RABEP1: variants seen among roughly 807,000 people sequenced by gnomAD.
RABEP1 encodes rabaptin, RAB GTPase binding effector protein 1.
A neutral mutation model predicts 123.4 loss-of-function variants in RABEP1; 51 were observed. The observed-to-expected ratio is 0.41, with a 90% CI of 0.33 to 0.52. The LOEUF (loss-of-function observed/expected upper bound fraction) is 0.52, where lower values mean the gene tolerates loss of function less well. RABEP1 is among the 20% of genes least tolerant of loss of function. The probability of loss-of-function intolerance (pLI) is 0.16; values close to 1 mark genes in which losing one functional copy is unlikely to be tolerated. For synonymous variants in RABEP1, 347 were observed against 355.2 expected, an observed-to-expected ratio of 0.98 and a Z score of 0.26; for missense variants, 888 against 996.3, an observed-to-expected ratio of 0.89 and a Z score of 1.46.
At chr17:5,287,720 G>A (rs756167170) in intron 1 of RABEP1, among the ~76,000 whole-genome samples, 1 of 151,578 alleles carries the variant, frequency 6.6e-6, no homozygotes, top group Admixed American at 6.6e-5. Flanking sequence ...AGGAGTTTGA[G>A]ACCAGCCTGG....
At chr17:5,293,327 A>C (rs117900255) in intron 1 of RABEP1, among the ~76,000 whole-genome samples, 5 of 151,964 alleles carry the variant, frequency 3.3e-5, no homozygotes, top group Admixed American at 1.3e-4. Flanking sequence ...TTCTCTCTAT[A>C]TATATCTCTT....
chr17:5,375,905 C>T (rs1343486262), intron 13 of RABEP1, among the ~76,000 whole-genome samples: 4 of 151,860 alleles, frequency 2.6e-5, no homozygotes, highest in African/African-American at 9.7e-5. Flanking sequence ...CAGAGTCTTG[C>T]TCTGTCACCC....
At chr17:5,320,283 A>G (rs2075340333) in intron 2 of RABEP1, among the ~76,000 whole-genome samples, 1 of 152,118 alleles carries the variant, frequency 6.6e-6, no homozygotes, top group South Asian at 2.1e-4. Context: ...ATATCCAACA[A>G]AGTTATCCTT....
intron 1 of RABEP1, among the ~76,000 whole-genome samples, chr17:5,298,805 G>A (rs1409345496): frequency 3.3e-5 from 5 of 151,926 alleles, no homozygotes; most frequent in African/African-American, 7.3e-5. Flanking sequence ...ACAGGCGTCC[G>A]CCACCACGCC....
intron 13 of RABEP1, among the ~76,000 whole-genome samples, chr17:5,374,820 T>A (rs959793496): frequency 2.0e-5 from 3 of 152,122 alleles, no homozygotes; most frequent in African/African-American, 7.2e-5. Flanking sequence ...TTAAAATATT[T>A]TTTAGTAGAG....
chr17:5,335,416 TAGAA>T (rs1362840856), intron 4 of RABEP1, 72 bp downstream of exon 4: 4 of 1,243,764 alleles, frequency 3.2e-6, no homozygotes, highest in African/African-American at 1.5e-5. Context: ...TGTTGTGTAA[TAGAA>T]AGTAATAGAA....
rs141548304 is a variant in RABEP1, at chr17:5,288,686, C to T, written c.34+6166C>T. ...CTGGGATTACAGGCGTGAGCCACTG[C>T]GCCTGGCCTATTTTATTTCTTTTCT... On this transcript the variant is annotated intron_variant, in intron 1 of 17. Transcript: ENST00000537505. 5.5e-4 allele frequency among the ~76,000 whole-genome samples: 83 copies of T among 149,882 alleles called. 1 individual carries two copies. The highest frequency in any genetic ancestry group is 1.8e-3 in the African/African-American group (74 of 40,730).
intron 15 of RABEP1, chr17:5,378,560 A>C (rs1911189567): frequency 2.9e-6 from 1 of 345,206 alleles, no homozygotes; most frequent in Non-Finnish European, 5.4e-6. Flanking sequence ...AAAACATTAC[A>C]AACAAGAGAT....
intron 5 of RABEP1, among the ~76,000 whole-genome samples, chr17:5,339,019 C>T (rs1379016118): frequency 3.3e-5 from 5 of 151,926 alleles, no homozygotes; most frequent in Admixed American, 1.3e-4. Flanking sequence ...AAGCCAGACA[C>T]GGTGGTGCAT....
chr17:5,325,962 G>A (rs1356056737), intron 2 of RABEP1, among the ~76,000 whole-genome samples: 2 of 152,176 alleles, frequency 1.3e-5, no homozygotes, highest in African/African-American at 4.8e-5. Flanking sequence ...ATTAGACTGT[G>A]AGAATGGCCT....
Position 5,365,153 on chromosome 17 carries a change from C to G in RABEP1, c.1700C>G (p.Ala567Gly). ...AAACTACAGCTGATGCTAAGGCAAG[C>G]TAATGACCAGTTAGAGAAGACAATG... ...VKKLQLMLRQ[A>G]NDQLEKTMKD... Residue 567 changes from alanine to glycine, a missense_variant, in exon 11 of 18, where the codon GCT (alanine) becomes GGT (glycine). Physicochemically the swap from Ala to Gly is moderately conservative, Grantham distance 60. Coordinates refer to ENST00000537505, the MANE Select transcript of RABEP1 (RefSeq NM_004703.6). The G allele has an allele frequency of 6.2e-7, 1 of 1,610,020 alleles. No homozygotes were observed. The highest frequency in any genetic ancestry group is 1.3e-5 in the African/African-American group (1 of 74,682).
intron 1 of RABEP1, among the ~76,000 whole-genome samples, chr17:5,290,282 G>T (rs1420714708): frequency 3.3e-5 from 5 of 152,098 alleles, no homozygotes; most frequent in African/African-American, 1.2e-4. Context: ...TAGAGACGGG[G>T]TTTCACCGTG....
chr17:5,308,098 T>G (rs1184111815), intron 1 of RABEP1, among the ~76,000 whole-genome samples: 1 of 152,202 alleles, frequency 6.6e-6, no homozygotes, highest in African/African-American at 2.4e-5. Flanking sequence ...AAATTGCTAT[T>G]CAGTTGCACA....
At chr17:5,292,858 T>G (rs117294630) in intron 1 of RABEP1, among the ~76,000 whole-genome samples, 1,946 of 152,266 alleles carry the variant, frequency 0.013, 19 homozygotes, top group Middle Eastern at 0.037. Context: ...GTTTTTGTAT[T>G]TTTAGTAGAG....
intron 15 of RABEP1, among the ~76,000 whole-genome samples, chr17:5,379,148 C>T (rs1427981203): frequency 6.6e-6 from 1 of 152,194 alleles, no homozygotes; most frequent in East Asian, 1.9e-4. Flanking sequence ...CTCACCTCAG[C>T]CCCCTCACTC....
At chr17:5,345,788 A>C (rs1908016143) in intron 5 of RABEP1, among the ~76,000 whole-genome samples, 1 of 152,194 alleles carries the variant, frequency 6.6e-6, no homozygotes, top group African/African-American at 2.4e-5. Context: ...CAGATAAGCC[A>C]CTTTAAGTTT....
chr17:5,379,374 T>C (rs1597301558), intron 15 of RABEP1, among the ~76,000 whole-genome samples: 1 of 152,250 alleles, frequency 6.6e-6, no homozygotes, highest in East Asian at 1.9e-4. Flanking sequence ...CTTGAACTTC[T>C]GCCTCTTGAC....
At chr17:5,302,985 ATAAT>A (rs1357195900) in intron 1 of RABEP1, among the ~76,000 whole-genome samples, 3 of 152,234 alleles carry the variant, frequency 2.0e-5, no homozygotes, top group African/African-American at 7.2e-5. Context: ...GAGCAATAAA[ATAAT>A]TCTTAAAACA....
intron 15 of RABEP1, chr17:5,378,506 C>CA (rs1212665112): frequency 5.8e-6 from 3 of 513,920 alleles, no homozygotes; most frequent in East Asian, 3.6e-5. Flanking sequence ...AAGGCATGGT[C>CA]ATAACATGTT....
Sources: allele counts gnomAD v4.1 joint callset (sites outside exome capture counted in the v4.1 genomes callset), GRCh38; gene constraint gnomAD v4.1.1; transcripts MANE v1.5; gene names NCBI Gene and HGNC (gene_info 2026-07-23, HGNC 2026-07-21).